DLGAP4: variants seen among roughly 807,000 people sequenced by gnomAD.
DLGAP4 encodes the protein disks large-associated protein 4.
In DLGAP4, 18 loss-of-function variants were observed where a neutral mutation model predicts 86.9. The ratio of observed to expected loss-of-function variants is 0.21; its 90% CI spans 0.14 to 0.31. The LOEUF is 0.31. Among genes scored for constraint, DLGAP4 ranks in the 10% least tolerant of loss-of-function variants. DLGAP4 has a pLI of 1.00. For synonymous variants in DLGAP4, 548 were observed against 574.3 expected (o/e 0.95, Z 0.65); for missense variants, 1,085 against 1,362.6 (o/e 0.80, Z 3.21).
intron 1 of DLGAP4, among the ~76,000 whole-genome samples, chr20:36,340,057 C>T (rs188670583): frequency 5.3e-5 from 8 of 152,212 alleles, no homozygotes; most frequent in Admixed American, 1.3e-4. Context: ...TCTTGCCGCC[C>T]ACATGAATAT....
At chr20:36,352,071 G>A (rs2030174380) in intron 1 of DLGAP4, among the ~76,000 whole-genome samples, 1 of 152,168 alleles carries the variant, frequency 6.6e-6, no homozygotes, top group Admixed American at 6.5e-5. Flanking sequence ...GGGGAATGAG[G>A]GAGGGAGAGA....
chr20:36,353,416 C>G (rs2030224445), intron 1 of DLGAP4, among the ~76,000 whole-genome samples: 1 of 152,212 alleles, frequency 6.6e-6, no homozygotes, highest in Middle Eastern at 3.2e-3. Flanking sequence ...TGCCCAGGTG[C>G]GTCTTCTCCA....
chr20:36,424,042 G>A (rs1285512935), intron 2 of DLGAP4, among the ~76,000 whole-genome samples: 1 of 152,080 alleles, frequency 6.6e-6, no homozygotes. Context: ...ATCACCAAGT[G>A]TCCTGCAGTG....
At chr20:36,470,086 A>T (rs1373206237) in intron 7 of DLGAP4, among the ~76,000 whole-genome samples, 1 of 152,114 alleles carries the variant, frequency 6.6e-6, no homozygotes, top group East Asian at 1.9e-4. Flanking sequence ...CATGAGTAGG[A>T]ACTAAATCTC....
chr20:36,437,149 G>A lies in DLGAP4; in HGVS notation c.1241+799G>A, dbSNP rs374003147. Among the ~76,000 whole-genome samples the A allele has an allele frequency of 5.3e-5, 8 of 152,332 alleles. No individual in the cohort carries two copies. The East Asian group carries it at 7.7e-4, about 15-fold the overall frequency. On this transcript the variant is annotated intron_variant, in intron 4 of 12. Coordinates refer to ENST00000339266, the MANE Select transcript of DLGAP4 (RefSeq NM_001365621.2). The stretch of plus-strand genomic sequence containing the variant: ...GGCCCCCTAAGTGAACCCGCCATCA[G>A]GTTAGCTCCCTCCATGAGATCCTCA...
At chr20:36,325,978 A>G (rs2147351318) in intron 1 of DLGAP4, among the ~76,000 whole-genome samples, 1 of 152,282 alleles carries the variant, frequency 6.6e-6, no homozygotes. Context: ...TCGGCCTCCC[A>G]AAGTGCTGGG....
intron 7 of DLGAP4, among the ~76,000 whole-genome samples, chr20:36,449,091 T>G (rs2033670019): frequency 6.6e-6 from 1 of 152,142 alleles, no homozygotes; most frequent in African/African-American, 2.4e-5. Flanking sequence ...GCCAGGGAGG[T>G]GTCGTCTGGC....
intron 2 of DLGAP4, among the ~76,000 whole-genome samples, chr20:36,369,418 C>T (rs1480546796): frequency 6.6e-6 from 1 of 152,150 alleles, no homozygotes; most frequent in Non-Finnish European, 1.5e-5. Flanking sequence ...CATGGTGAAA[C>T]CCTGTCTCCA....
intron 2 of DLGAP4, among the ~76,000 whole-genome samples, chr20:36,375,270 C>T (rs1283473062): frequency 2.0e-5 from 3 of 152,210 alleles, no homozygotes; most frequent in Non-Finnish European, 4.4e-5. Flanking sequence ...AAACTCCAGT[C>T]ATTGCCAGAT....
At chr20:36,342,202 G>A (rs897676697) in intron 1 of DLGAP4, among the ~76,000 whole-genome samples, 1 of 152,214 alleles carries the variant, frequency 6.6e-6, no homozygotes, top group African/African-American at 2.4e-5. Context: ...TCTTGGGCAA[G>A]TCACTCCTTC....
In DLGAP4 at chr20:36,350,942, C is replaced by T. The variant is rs782632846; in HGVS notation, c.-303-16103C>T. Among the ~76,000 whole-genome samples, 3 of 152,274 alleles carry T rather than the reference C, an allele frequency of 2.0e-5. No homozygotes were observed. Among genetic ancestry groups the T allele is most frequent in the Non-Finnish European group, 4.4e-5 (3 of 68,050 alleles). ...CAAAGGCCTAGGGAGTCAGGTGCCACGCCGGGGCAGCTGCATTGTTGGTTC... is the reference window on the plus strand; with the variant it reads ...CAAAGGCCTAGGGAGTCAGGTGCCATGCCGGGGCAGCTGCATTGTTGGTTC... On this transcript the variant is annotated intron_variant, in intron 1 of 12. Coordinates refer to ENST00000339266, the MANE Select transcript of DLGAP4 (RefSeq NM_001365621.2). This position sits in a 1 kb window ranked among gnomAD's most constrained non-coding sequence, Gnocchi z 4.4.
At chr20:36,522,520 TTTTG>T (rs1020170002) in intron 10 of DLGAP4, among the ~76,000 whole-genome samples, 18 of 152,132 alleles carry the variant, frequency 1.2e-4, no homozygotes, top group African/African-American at 3.9e-4. Context: ...GGTATGCTCC[TTTTG>T]TTTGTTTGGT....
intron 6 of DLGAP4, 42 bp downstream of exon 6, chr20:36,442,819 G>A (rs752032650): frequency 6.2e-5 from 100 of 1,613,118 alleles, no homozygotes; most frequent in Non-Finnish European, 8.3e-5. Flanking sequence ...ATCCCAGAGT[G>A]TAGGCCTGGG....
At position 36,350,947 on chromosome 20, in the gene DLGAP4, G is replaced by A. The variant is rs1275119615; in HGVS notation, c.-303-16098G>A. The stretch of plus-strand genomic sequence containing the variant: ...GCCTAGGGAGTCAGGTGCCACGCCG[G>A]GGCAGCTGCATTGTTGGTTCAGAGG... On this transcript the variant is annotated intron_variant, in intron 1 of 12. Coordinates refer to ENST00000339266, the MANE Select transcript of DLGAP4 (RefSeq NM_001365621.2). The surrounding 1 kb of genome is among the most constrained non-coding windows in gnomAD (Gnocchi z 4.4). Among the ~76,000 whole-genome samples the A allele has an allele frequency of 1.3e-5, 2 of 152,372 alleles. No individual in the cohort carries two copies. The highest frequency in any genetic ancestry group is 4.8e-5 in the African/African-American group (2 of 41,590).
intron 7 of DLGAP4, among the ~76,000 whole-genome samples, chr20:36,477,795 A>C (rs1275820754): frequency 6.6e-6 from 1 of 152,226 alleles, no homozygotes; most frequent in Non-Finnish European, 1.5e-5. Flanking sequence ...GGATGCAGTT[A>C]AATGCAAGGA....
rs538374729 is a variant in DLGAP4 at position 36,474,648 on chromosome 20, G to GGCCT, written c.1649-22055_1649-22052dup. On this transcript the variant is annotated intron_variant, in intron 7 of 12. Coordinates refer to ENST00000339266, the MANE Select transcript of DLGAP4 (RefSeq NM_001365621.2). ...AGACCAAGGTGGGGTGGGGAAGAGG[G>GGCCT]GCCTGTCTGACATCACCCAGTAAAG... is the stretch of plus-strand genomic sequence containing the variant. Among the ~76,000 whole-genome samples, 751 of 152,274 alleles carry GGCCT rather than the reference G, an allele frequency of 4.9e-3. 4 individuals carry two copies. The highest frequency in any genetic ancestry group is 0.017 in the African/African-American group (726 of 41,550).
At chr20:36,315,046 T>TG (rs2065085012) in intron 1 of DLGAP4, among the ~76,000 whole-genome samples, 18 of 4,374 alleles carry the variant, frequency 4.1e-3, no homozygotes, top group Middle Eastern at 0.1. Context: ...GTGTGGTGTG[T>TG]TGCGCCCCCC....
intron 2 of DLGAP4, among the ~76,000 whole-genome samples, chr20:36,392,278 G>A (rs1217204013): frequency 6.6e-6 from 1 of 152,218 alleles, no homozygotes; most frequent in Non-Finnish European, 1.5e-5. Flanking sequence ...TTGAGTCTCA[G>A]ATGTCTGGCC....
At chr20:36,337,449 G>A (rs189974320) in intron 1 of DLGAP4, among the ~76,000 whole-genome samples, 105 of 152,248 alleles carry the variant, frequency 6.9e-4, no homozygotes, top group African/African-American at 2.4e-3. Flanking sequence ...GCTGGGGAAG[G>A]CGGGAAGGGA....
Sources: gnomAD v4.1 joint callset for allele counts (sites outside exome capture counted in the v4.1 genomes callset) on GRCh38, gnomAD v4.1.1 for gene constraint, Gnocchi (gnomAD v3.1) non-coding constraint, MANE v1.5 for transcripts, NCBI Gene and HGNC (gene_info 2026-07-23, HGNC 2026-07-21) for gene names.